Variants in TCERG1L observed in about 807,000 individuals in gnomAD.
The protein encoded by TCERG1L is transcription elongation regulator 1 like.
Under a neutral mutation model 56.3 loss-of-function variants are expected in TCERG1L, and 37 were observed. The ratio of observed to expected loss-of-function variants is 0.66; its 90% CI spans 0.51 to 0.87. The LOEUF is 0.87. Ranked by LOEUF, TCERG1L falls within the 40% of genes least tolerant of loss-of-function variation. The pLI, the probability that TCERG1L is intolerant of heterozygous loss-of-function variation, is 0.00. For synonymous variants in TCERG1L, 324 were observed against 326.3 expected (o/e 0.99, Z 0.08); for missense variants, 799 against 774.2 (o/e 1.03, Z -0.38).
At chr10:131,172,150 G>A (rs1846098555) in intron 4 of TCERG1L, among the ~76,000 whole-genome samples, 1 of 152,210 alleles carries the variant, frequency 6.6e-6, no homozygotes, top group South Asian at 2.1e-4. Context: ...AGCGTGTGGA[G>A]TAAATCCCAA....
At chr10:131,135,272 G>C (rs1487421268) in intron 7 of TCERG1L, among the ~76,000 whole-genome samples, 1 of 152,252 alleles carries the variant, frequency 6.6e-6, no homozygotes, top group South Asian at 2.1e-4. Context: ...GGCTGAACTA[G>C]TCTGGGCTGG....
intron 4 of TCERG1L, among the ~76,000 whole-genome samples, chr10:131,204,986 C>A (rs1451195048): frequency 6.6e-6 from 1 of 152,122 alleles, no homozygotes; most frequent in Non-Finnish European, 1.5e-5. Context: ...AGGCCCCTGT[C>A]CCTGGACCTG....
chr10:131,256,878 C>A (rs932145132), intron 4 of TCERG1L, among the ~76,000 whole-genome samples: 1 of 145,850 alleles, frequency 6.9e-6, no homozygotes, highest in Non-Finnish European at 1.5e-5. Flanking sequence ...GATCGAGACT[C>A]CATCTCAAGA....
Position 131,267,980 on chromosome 10 carries a change from C to A in TCERG1L, c.671-7536G>T, listed in dbSNP as rs573594293. Among the ~76,000 whole-genome samples, 2 of 152,160 alleles carry A rather than the reference C, an allele frequency of 1.3e-5. No homozygotes were observed. Among genetic ancestry groups the A allele is most frequent in the Non-Finnish European group, 2.9e-5 (2 of 68,030 alleles). On this transcript the variant is annotated intron_variant, in intron 3 of 11. Transcript: ENST00000368642. This position sits in a 1 kb window ranked among gnomAD's most constrained non-coding sequence, Gnocchi z 4.9. The stretch of plus-strand genomic sequence containing the variant: ...CTGCCAGGGTTGGCTCCTCTGGGAG[C>A]GAATTGCAGGCCCTGGGCCCAGCTG...
At chr10:131,308,124 A>T in intron 3 of TCERG1L, 87 bp downstream of exon 3, 1 of 1,231,864 alleles carries the variant, frequency 8.1e-7, no homozygotes, top group South Asian at 1.6e-5. Context: ...TTTCATTAAA[A>T]TGATGAGTAT....
At chr10:131,293,849 G>A (rs1003383476) in intron 3 of TCERG1L, among the ~76,000 whole-genome samples, 7 of 152,064 alleles carry the variant, frequency 4.6e-5, no homozygotes, top group Non-Finnish European at 8.8e-5. Flanking sequence ...TTATTTATGA[G>A]TTTATATTTG....
chr10:131,126,372 G>T (rs925331792), intron 8 of TCERG1L, among the ~76,000 whole-genome samples: 3 of 152,316 alleles, frequency 2.0e-5, no homozygotes, highest in African/African-American at 7.2e-5. Flanking sequence ...GCTCACCAAG[G>T]CCTGGGAAGA....
intron 3 of TCERG1L, among the ~76,000 whole-genome samples, chr10:131,261,759 G>A (rs1846238965): frequency 6.6e-6 from 1 of 152,200 alleles, no homozygotes; most frequent in African/African-American, 2.4e-5. Flanking sequence ...GAGGCAGGGT[G>A]CTCATTCTTC....
chr10:131,130,677 AACT>A (rs1427026037), intron 8 of TCERG1L, among the ~76,000 whole-genome samples: 2 of 152,208 alleles, frequency 1.3e-5, no homozygotes, highest in Admixed American at 6.5e-5. Context: ...CGGGAGAGGA[AACT>A]ACCTGAGATT....
chr10:131,251,920 G>A (rs904511838), intron 4 of TCERG1L, among the ~76,000 whole-genome samples: 2 of 152,096 alleles, frequency 1.3e-5, no homozygotes, highest in African/African-American at 2.4e-5. Context: ...AACTGTCCTG[G>A]TTCAACAATG....
intron 4 of TCERG1L, among the ~76,000 whole-genome samples, chr10:131,186,738 TC>T (rs1443519327): frequency 6.6e-6 from 1 of 152,196 alleles, no homozygotes; most frequent in Non-Finnish European, 1.5e-5. Context: ...AGGCTCTGCC[TC>T]TGGGCCTGCC....
At chr10:131,270,817 A>G (rs1846332144) in intron 3 of TCERG1L, among the ~76,000 whole-genome samples, 2 of 152,178 alleles carry the variant, frequency 1.3e-5, no homozygotes, top group South Asian at 4.1e-4. Context: ...TCGAACCTGC[A>G]CAAAGGCCCG....
At chr10:131,181,370 C>T (rs1401634139) in intron 4 of TCERG1L, among the ~76,000 whole-genome samples, 2 of 152,228 alleles carry the variant, frequency 1.3e-5, no homozygotes, top group Non-Finnish European at 1.5e-5. Flanking sequence ...CGGAGGTCTG[C>T]GATTGGGCGG....
intron 4 of TCERG1L, among the ~76,000 whole-genome samples, chr10:131,184,334 C>A (rs12240771): frequency 0.11 from 17,354 of 152,146 alleles, 1,015 homozygotes; most frequent in East Asian, 0.2. Context: ...GTGATTGATA[C>A]AAAATAGACG....
At chr10:131,241,415 CAGA>C (rs1365880111) in intron 4 of TCERG1L, among the ~76,000 whole-genome samples, 6 of 152,076 alleles carry the variant, frequency 3.9e-5, no homozygotes, top group African/African-American at 1.4e-4. Context: ...TAAGTGCAGG[CAGA>C]GGAGGAGGAA....
At chr10:131,309,054 G>C (rs1350174536) in intron 2 of TCERG1L, 99 bp downstream of exon 2, 1 of 1,400,262 alleles carries the variant, frequency 7.1e-7, no homozygotes, top group African/African-American at 1.5e-5. Context: ...GCCAATTTAT[G>C]GCAACAAGAA....
chr10:131,200,257 C>A (rs2944476), intron 4 of TCERG1L, among the ~76,000 whole-genome samples: 73,214 of 152,068 alleles, frequency 0.48, 19,164 homozygotes, highest in South Asian at 0.63. Flanking sequence ...TGCTGCTAGA[C>A]AAACGAGCTG....
At chr10:131,270,020 G>A (rs10829966) in intron 3 of TCERG1L, among the ~76,000 whole-genome samples, 1 of 152,044 alleles carries the variant, frequency 6.6e-6, no homozygotes. Context: ...ATCCAAATCC[G>A]TTTACTGATA....
At chr10:131,281,266 C>T (rs1332166126) in intron 3 of TCERG1L, among the ~76,000 whole-genome samples, 1 of 152,204 alleles carries the variant, frequency 6.6e-6, no homozygotes, top group Admixed American at 6.5e-5. Context: ...GGCGGCCTTG[C>T]AGCTGAGCAT....
Sources: allele counts gnomAD v4.1 joint callset (sites outside exome capture counted in the v4.1 genomes callset), GRCh38; gene constraint gnomAD v4.1.1; non-coding constraint Gnocchi (gnomAD v3.1); transcripts MANE v1.5; gene names NCBI Gene and HGNC (gene_info 2026-07-23, HGNC 2026-07-21).